Variants in GLDC observed in about 807,000 individuals in gnomAD.
GLDC encodes glycine dehydrogenase (decarboxylating), mitochondrial.
Under a neutral mutation model 121.3 loss-of-function variants are expected in GLDC, and 104 were observed. That is an observed-to-expected ratio of 0.86 (90% CI 0.73 to 1.01). GLDC has a LOEUF of 1.01. GLDC is among the 50% of genes least tolerant of loss of function. The probability of loss-of-function intolerance (pLI) is 0.00; values close to 1 mark genes in which losing one functional copy is unlikely to be tolerated. For synonymous variants in GLDC, 546 were observed against 480.6 expected (o/e 1.14, Z -1.78); for missense variants, 1,429 against 1,306.6 (o/e 1.09, Z -1.44).
At chr9:6,569,252 T>G (rs1817907585) in intron 15 of GLDC, 1 of 152,238 alleles carries the variant, frequency 6.6e-6, no homozygotes, top group Non-Finnish European at 1.5e-5. Context: ...AAAGTTCCTT[T>G]GCCAAGGTTG....
chr9:6,545,769 T>C (rs1469796314), intron 21 of GLDC, among the ~76,000 whole-genome samples: 1 of 151,956 alleles, frequency 6.6e-6, no homozygotes, highest in African/African-American at 2.4e-5. Flanking sequence ...GCCTCCCGAG[T>C]AGCTGGGATT....
In GLDC at chr9:6,565,337, C is replaced by T. The variant is rs1299977128; in HGVS notation, c.1926+17G>A. The T allele has an allele frequency of 2.5e-6, 4 of 1,596,652 alleles. No individual in the cohort carries two copies. The highest frequency in any genetic ancestry group is 1.7e-6 in the Non-Finnish European group (2 of 1,164,020). ...TGTGCCCCATGGTGAGCAAGCGCCA[C>T]CTCCTGCCATACTCACCGTTCTGTG... On this transcript the variant is annotated intron_variant, in intron 16 of 24. Coordinates refer to ENST00000321612, the MANE Select transcript of GLDC (RefSeq NM_000170.3).
At chr9:6,576,121 A>C (rs1311594630) in intron 15 of GLDC, among the ~76,000 whole-genome samples, 1 of 152,190 alleles carries the variant, frequency 6.6e-6, no homozygotes, top group Non-Finnish European at 1.5e-5. Context: ...ATCTTGACAA[A>C]ATTTATGGTT....
intron 17 of GLDC, among the ~76,000 whole-genome samples, chr9:6,557,361 T>C (rs1214349981): frequency 6.6e-6 from 1 of 152,126 alleles, no homozygotes; most frequent in African/African-American, 2.4e-5. Flanking sequence ...TTTGGGAGGC[T>C]GAGGCGGGCG....
Position 6,534,712 on chromosome 9 carries a change from G to A in GLDC, c.2915C>T (p.Pro972Leu). The A allele has an allele frequency of 6.4e-7, 1 of 1,568,794 alleles. No homozygotes were observed. The highest frequency in any genetic ancestry group is 1.1e-5 in the South Asian group (1 of 90,064). ...RPYSREVAAF[P>L]LPFVKPENKF... Reference sequence around the variant, plus strand: ...ATTCAGATTCAGAGAACTTACGAGTGGGAATGCTGCCACCTCTCTGGAATA... The same window carrying A: ...ATTCAGATTCAGAGAACTTACGAGTAGGAATGCTGCCACCTCTCTGGAATA... Residue 972 changes from proline (P) to leucine (L), a missense_variant, in exon 24 of 25, where the codon CCA becomes CTA. Coordinates refer to ENST00000321612, the MANE Select transcript of GLDC (RefSeq NM_000170.3).
chr9:6,551,048 G>C, intron 20 of GLDC, 134 bp from the exon 21 acceptor site: 1 of 747,208 alleles, frequency 1.3e-6, no homozygotes, highest in Non-Finnish European at 2.5e-6. Flanking sequence ...GAGTAAAGAT[G>C]AGTGGAAAAT....
intron 2 of GLDC, chr9:6,639,656 C>T: frequency 3.7e-6 from 1 of 273,416 alleles, no homozygotes; most frequent in East Asian, 1.0e-4. Flanking sequence ...TATCTTTTCA[C>T]CATAAAAAAA....
At chr9:6,604,036 C>A (rs1177881096) in intron 7 of GLDC, among the ~76,000 whole-genome samples, 6 of 151,592 alleles carry the variant, frequency 4.0e-5, no homozygotes, top group Non-Finnish European at 8.8e-5. Context: ...CCCTTTTTTT[C>A]TTTTCTTTTC....
intron 2 of GLDC, among the ~76,000 whole-genome samples, chr9:6,636,331 A>G (rs1819501960): frequency 6.6e-6 from 1 of 151,866 alleles, no homozygotes; most frequent in South Asian, 2.1e-4. Context: ...TTTGGGTGAT[A>G]ATGATGCATT....
At chr9:6,553,604 G>T in intron 19 of GLDC, 95 bp from the exon 20 acceptor site, 1 of 1,214,462 alleles carries the variant, frequency 8.2e-7, no homozygotes, top group Non-Finnish European at 1.2e-6. Flanking sequence ...CTTGTTCTTA[G>T]CAGAGGAGCT....
chr9:6,534,630 G>T, intron 24 of GLDC, 78 bp downstream of exon 24: 1 of 768,358 alleles, frequency 1.3e-6, no homozygotes. Context: ...GTAATCATGA[G>T]GCTAAGAGCG....
chr9:6,586,308 A>C (rs1045148489), intron 15 of GLDC, among the ~76,000 whole-genome samples: 1 of 152,104 alleles, frequency 6.6e-6, no homozygotes, highest in Admixed American at 6.5e-5. Flanking sequence ...AAAACAAATA[A>C]ATAAATAAAA....
chr9:6,613,015 G>C (rs1818893166), intron 3 of GLDC, among the ~76,000 whole-genome samples: 1 of 152,106 alleles, frequency 6.6e-6, no homozygotes, highest in African/African-American at 2.4e-5. Flanking sequence ...TTATAAGTTT[G>C]TAAAAACAAG....
intron 23 of GLDC, 92 bp from the exon 24 acceptor site, chr9:6,534,880 G>T (rs1182951966): frequency 2.7e-6 from 2 of 743,232 alleles, no homozygotes; most frequent in Non-Finnish European, 5.0e-6. Context: ...TCTGACAGGA[G>T]CCCAGGCAGA....
chr9:6,639,264 C>T lies in GLDC; in HGVS notation c.334+5350G>A, dbSNP rs1461269533. The T allele has an allele frequency of 5.6e-6, 5 of 899,952 alleles. No homozygotes were observed. The Admixed American group carries it at 6.8e-5, about 12-fold the overall frequency. 55.7% of individuals were successfully genotyped at this position (899,952 alleles called of 1,614,324 possible). A position where few individuals can be genotyped will look rare whatever the true frequency, so the allele number is the denominator to read the frequency against. ...CAGCCACAAAAAAAAAGAAGATCCG[C>T]ACATCACCCACCTTCCGGCGGTCCA... On this transcript the variant is annotated intron_variant, in intron 2 of 24. Transcript: ENST00000321612.
intron 15 of GLDC, among the ~76,000 whole-genome samples, chr9:6,572,911 C>T (rs971182877): frequency 6.6e-6 from 1 of 152,146 alleles, no homozygotes; most frequent in Non-Finnish European, 1.5e-5. Context: ...ATGTTAAAGT[C>T]ACTCATTCCC....
At chr9:6,607,450 G>T (rs1322049864) in intron 4 of GLDC, among the ~76,000 whole-genome samples, 1 of 151,894 alleles carries the variant, frequency 6.6e-6, no homozygotes, top group Non-Finnish European at 1.5e-5. Flanking sequence ...AGGCATGGTG[G>T]TGCACGCCTG....
intron 12 of GLDC, 66 bp from the exon 13 acceptor site, chr9:6,588,768 A>C: frequency 1.1e-6 from 1 of 920,158 alleles, no homozygotes; most frequent in Non-Finnish European, 1.8e-6. Context: ...CATCCTCCTG[A>C]CATATAAGAC....
chr9:6,554,554 C>T (rs980378265), intron 19 of GLDC, 115 bp downstream of exon 19: 1 of 796,858 alleles, frequency 1.3e-6, no homozygotes, highest in Non-Finnish European at 2.2e-6. Flanking sequence ...AAGTGCACTA[C>T]ACCGATGAGG....
Sources: allele counts gnomAD v4.1 joint callset (sites outside exome capture counted in the v4.1 genomes callset), GRCh38; gene constraint gnomAD v4.1.1; transcripts MANE v1.5; gene names NCBI Gene and HGNC (gene_info 2026-07-23, HGNC 2026-07-21).